Variants in GLRA2 observed in about 807,000 individuals in gnomAD.
GLRA2 encodes the protein glycine receptor alpha 2, also known as glycine receptor subunit alpha-2.
A neutral mutation model predicts 31.6 loss-of-function variants in GLRA2; 11 were observed. That is an observed-to-expected ratio of 0.35 (90% CI 0.22 to 0.58). The LOEUF (loss-of-function observed/expected upper bound fraction) is 0.58, where lower values mean the gene tolerates loss of function less well. Among genes scored for constraint, GLRA2 ranks in the 20% least tolerant of loss-of-function variants. The pLI is 0.84. For synonymous variants in GLRA2, 132 were observed against 134.0 expected (o/e 0.99, Z 0.10); for missense variants, 212 against 351.8 (o/e 0.60, Z 3.18).
intron 8 of GLRA2, among the ~76,000 whole-genome samples, chrX:14,715,805 G>A (rs1367277277): frequency 9.0e-6 from 1 of 111,678 alleles, no homozygotes; most frequent in African/African-American, 3.3e-5. Flanking sequence ...ACACAAAGGA[G>A]CTTGGGAGTG....
At chrX:14,643,895 A>G (rs1213132323) in intron 7 of GLRA2, among the ~76,000 whole-genome samples, 1 of 112,252 alleles carries the variant, frequency 8.9e-6, no homozygotes, top group African/African-American at 3.2e-5. Flanking sequence ...AAAATATTAA[A>G]TGATTTCCAG....
At chrX:14,714,493 A>G (rs981406931) in intron 8 of GLRA2, among the ~76,000 whole-genome samples, 1 of 111,919 alleles carries the variant, frequency 8.9e-6, no homozygotes, top group Admixed American at 9.5e-5. Flanking sequence ...GGTGGTAACT[A>G]GGAGTTGTAT....
At chrX:14,676,099 C>T (rs923392815) in intron 7 of GLRA2, among the ~76,000 whole-genome samples, 12 of 112,334 alleles carry the variant, frequency 1.1e-4, no homozygotes, top group African/African-American at 1.6e-4. Context: ...ATTTCAACAG[C>T]TGCATTAATC....
At chrX:14,525,734 C>A, upstream of GLRA2, among the ~76,000 whole-genome samples, 1 of 111,512 alleles carries the variant, frequency 9.0e-6, no homozygotes, top group Non-Finnish European at 1.9e-5. Context: ...GACTGCTGCG[C>A]CACTGAACTT....
At chrX:14,660,603 TAGG>T (rs2090981782) in intron 7 of GLRA2, among the ~76,000 whole-genome samples, 1 of 111,356 alleles carries the variant, frequency 9.0e-6, no homozygotes, top group Non-Finnish European at 1.9e-5. Flanking sequence ...GGATACCAGT[TAGG>T]AGATTATTGA....
chrX:14,599,379 C>G (rs927790085), intron 4 of GLRA2, among the ~76,000 whole-genome samples: 2 of 112,234 alleles, frequency 1.8e-5, no homozygotes, highest in Non-Finnish European at 3.8e-5. Flanking sequence ...GTCTGAGTGT[C>G]CAGGCAAGTT....
chrX:14,477,976 C>T, the GLRA2 span, among the ~76,000 whole-genome samples: 3 of 110,366 alleles, frequency 2.7e-5, no homozygotes, highest in East Asian at 8.5e-4. Context: ...ATTGGAATTG[C>T]AATTCCAATT....
At chrX:14,615,249 T>C (rs147953579) in intron 7 of GLRA2, among the ~76,000 whole-genome samples, 45 of 111,898 alleles carry the variant, frequency 4.0e-4, no homozygotes, top group African/African-American at 1.4e-3. Context: ...AGTGAATAAA[T>C]GAACAGTGTT....
chrX:14,536,254 A>C (rs1483744602), intron 2 of GLRA2, among the ~76,000 whole-genome samples: 1 of 112,305 alleles, frequency 8.9e-6, no homozygotes, highest in East Asian at 2.8e-4. Flanking sequence ...AGGTTTTCAG[A>C]TTTTGCCCCT....
At chrX:14,499,235 C>A in the GLRA2 span, among the ~76,000 whole-genome samples, 6 of 111,639 alleles carry the variant, frequency 5.4e-5, no homozygotes, top group African/African-American at 2.0e-4. Flanking sequence ...CAACAGTGTA[C>A]AAGTGTTTCC....
intron 4 of GLRA2, among the ~76,000 whole-genome samples, chrX:14,583,084 C>T (rs1487877014): frequency 9.0e-6 from 1 of 110,848 alleles, no homozygotes; most frequent in Non-Finnish European, 1.9e-5. Flanking sequence ...CATCTCTAAT[C>T]ATTAGAAAAA....
At chrX:14,687,825 T>C (rs766155472) in intron 7 of GLRA2, among the ~76,000 whole-genome samples, 50 of 112,823 alleles carry the variant, frequency 4.4e-4, no homozygotes, top group Middle Eastern at 4.6e-3. Context: ...TCCTTCCAGC[T>C]TTGTTCCACT....
At chrX:14,586,701 A>G (rs774236727) in intron 4 of GLRA2, among the ~76,000 whole-genome samples, 68 of 112,126 alleles carry the variant, frequency 6.1e-4, no homozygotes, top group Non-Finnish European at 1.1e-3. Context: ...ATATTTGTTG[A>G]ATTTAATATT....
chrX:14,717,057 G>T (rs1439415138), intron 8 of GLRA2, among the ~76,000 whole-genome samples: 1 of 111,296 alleles, frequency 9.0e-6, no homozygotes, highest in South Asian at 3.8e-4. Context: ...AATCTGACGT[G>T]TCCAAAGTTT....
intron 3 of GLRA2, among the ~76,000 whole-genome samples, chrX:14,579,076 G>A (rs1368990152): frequency 8.9e-6 from 1 of 112,038 alleles, no homozygotes; most frequent in African/African-American, 3.2e-5. Flanking sequence ...TGCTTTGCTG[G>A]TTACTTCTGC....
intron 7 of GLRA2, among the ~76,000 whole-genome samples, chrX:14,681,904 A>ATATATAT (rs1295348729): frequency 2.6e-5 from 1 of 37,966 alleles, no homozygotes. Flanking sequence ...AAAAAAAAAA[A>ATATATAT]AAAAAAATAT....
chrX:14,571,925 A>G lies in GLRA2; in HGVS notation c.203-2408A>G, dbSNP rs752404478. Among the ~76,000 whole-genome samples the G allele has an allele frequency of 4.5e-5, 5 of 111,889 alleles. No homozygotes were observed. In the South Asian group the frequency reaches 1.9e-3, roughly 42 times the overall value. On this transcript the variant is annotated intron_variant, in intron 2 of 8. Coordinates refer to ENST00000218075, the MANE Select transcript of GLRA2 (RefSeq NM_002063.4). ...AAGGTTGAAAGTTTAGGTTTTTGGA[A>G]TCAGAATGATGAGACACTGACTCTC...
the GLRA2 span, among the ~76,000 whole-genome samples, chrX:14,461,471 G>A: frequency 8.9e-6 from 1 of 111,755 alleles, no homozygotes; most frequent in South Asian, 3.7e-4. Flanking sequence ...CATTATCATT[G>A]TTTGGGAGTC....
chrX:14,471,562 A>G, the GLRA2 span, among the ~76,000 whole-genome samples: 3 of 112,200 alleles, frequency 2.7e-5, no homozygotes, highest in Non-Finnish European at 5.6e-5. Context: ...GTACTCTGCT[A>G]TGTGTTTTAA....
Sources: allele counts gnomAD v4.1 joint callset (sites outside exome capture counted in the v4.1 genomes callset), GRCh38; gene constraint gnomAD v4.1.1; transcripts MANE v1.5; gene names NCBI Gene and HGNC (gene_info 2026-07-23, HGNC 2026-07-21).